The following NEDD4L variants were observed in gnomAD, a reference collection of about 807,000 sequenced individuals.
The protein encoded by NEDD4L is E3 ubiquitin-protein ligase NEDD4-like.
NEDD4L carries 54 observed loss-of-function variants against 148.9 expected under a neutral mutation model. The observed-to-expected ratio is 0.36, with a 90% CI of 0.29 to 0.45. The LOEUF (loss-of-function observed/expected upper bound fraction) is 0.45, where lower values mean the gene tolerates loss of function less well. Among genes scored for constraint, NEDD4L ranks in the 20% least tolerant of loss-of-function variants. The pLI, the probability that NEDD4L is intolerant of heterozygous loss-of-function variation, is 1.00. For synonymous variants in NEDD4L, 433 were observed against 440.7 expected, an observed-to-expected ratio of 0.98 and a Z score of 0.22; for missense variants, 856 against 1,233.8, an observed-to-expected ratio of 0.69 and a Z score of 4.59.
intron 11 of NEDD4L, among the ~76,000 whole-genome samples, chr18:58,333,295 A>G (rs1406179585): frequency 6.6e-6 from 1 of 151,240 alleles, no homozygotes; most frequent in East Asian, 1.9e-4. Context: ...AAAAAAAAAA[A>G]GCAGCTAAAA....
At chr18:58,044,851 G>C (rs2081500560) in intron 1 of NEDD4L, 143 bp downstream of exon 1, 3 of 1,007,454 alleles carry the variant, frequency 3.0e-6, no homozygotes, top group African/African-American at 3.4e-5. Flanking sequence ...CCCGGAGCGG[G>C]ATCCAGGGGA....
At chr18:58,093,659 T>C (rs1217567484) in intron 1 of NEDD4L, among the ~76,000 whole-genome samples, 1 of 152,228 alleles carries the variant, frequency 6.6e-6, no homozygotes, top group Non-Finnish European at 1.5e-5. Flanking sequence ...GGTAGTCTTA[T>C]ATTTGCTACG....
chr18:58,120,073 G>C (rs901508041), intron 1 of NEDD4L, among the ~76,000 whole-genome samples: 9 of 152,204 alleles, frequency 5.9e-5, no homozygotes, highest in Admixed American at 1.3e-4. Flanking sequence ...TCCTTGCCAG[G>C]ATCGGCCTCT....
At position 58,365,995 on chromosome 18, in the gene NEDD4L, G is replaced by A. The variant is rs1284212086; in HGVS notation, c.1834-4G>A. 13 of 1,591,524 alleles carry A rather than the reference G, an allele frequency of 8.2e-6. No homozygotes were observed. The highest frequency in any genetic ancestry group is 1.3e-5 in the African/African-American group (1 of 74,402). ...TTATGTGTTTTCTTTTGTCTTTTGT[G>A]TAGGCTGATATCCCCAATAGGTTTG... On this transcript the variant is annotated splice_region_variant and splice_polypyrimidine_tract_variant and intron_variant, in intron 20 of 30. Coordinates refer to ENST00000400345, the MANE Select transcript of NEDD4L (RefSeq NM_001144967.3).
In NEDD4L at chr18:58,385,525, G is replaced by A; in HGVS notation, c.2427-1G>A. The A allele has an allele frequency of 6.2e-7, 1 of 1,613,172 alleles. No homozygotes were observed. The highest frequency in any genetic ancestry group is 1.1e-5 in the South Asian group (1 of 91,068). On this transcript the variant is annotated splice_acceptor_variant, in intron 25 of 30. Coordinates refer to ENST00000400345, the MANE Select transcript of NEDD4L (RefSeq NM_001144967.3). LOFTEE classifies it high-confidence loss of function. ...CAATATTGTCCTCTTTTCTCCTGCA[G>A]CTTAGTCATCCAGTGGAGATTTGTG...
chr18:58,173,134 AT>A (rs978082192), intron 2 of NEDD4L, among the ~76,000 whole-genome samples: 2 of 152,226 alleles, frequency 1.3e-5, no homozygotes, highest in Non-Finnish European at 2.9e-5. Flanking sequence ...AGCTGGAGAC[AT>A]TTAACCTTTT....
intron 30 of NEDD4L, among the ~76,000 whole-genome samples, chr18:58,395,821 T>TA (rs1252401827): frequency 2.0e-5 from 3 of 152,174 alleles, no homozygotes; most frequent in Non-Finnish European, 4.4e-5. Flanking sequence ...GTATTAGAGA[T>TA]AGACACAGTC....
At chr18:58,145,655 A>G (rs1039680967) in intron 1 of NEDD4L, among the ~76,000 whole-genome samples, 2 of 151,968 alleles carry the variant, frequency 1.3e-5, no homozygotes, top group African/African-American at 2.4e-5. Flanking sequence ...CCTTTGATGA[A>G]TACTCCTGTA....
At chr18:58,134,132 C>G (rs2032523591) in intron 1 of NEDD4L, among the ~76,000 whole-genome samples, 2 of 152,146 alleles carry the variant, frequency 1.3e-5, no homozygotes, top group Non-Finnish European at 2.9e-5. Context: ...TCTTGAGTAG[C>G]TGGGACTACA....
intron 2 of NEDD4L, among the ~76,000 whole-genome samples, chr18:58,204,845 A>G (rs2041811257): frequency 6.6e-6 from 1 of 152,268 alleles, no homozygotes; most frequent in Non-Finnish European, 1.5e-5. Flanking sequence ...AAAAAGCACT[A>G]GAGGTCAAAT....
intron 1 of NEDD4L, among the ~76,000 whole-genome samples, chr18:58,097,088 C>T (rs1282197833): frequency 6.6e-6 from 1 of 152,026 alleles, no homozygotes; most frequent in Non-Finnish European, 1.5e-5. Context: ...ATTTGGAATT[C>T]TTCCTTAAAT....
In NEDD4L at chr18:58,368,629, C is replaced by T. The variant is rs141351083; in HGVS notation, c.2185+762C>T. On this transcript the variant is annotated intron_variant, in intron 22 of 30. Coordinates refer to ENST00000400345, the MANE Select transcript of NEDD4L (RefSeq NM_001144967.3). ...TATAAGAAAGATATTTCCAAGGGAACTGTGTTCATTGCATTTATAGAGCCT... is the reference window on the plus strand; with the variant it reads ...TATAAGAAAGATATTTCCAAGGGAATTGTGTTCATTGCATTTATAGAGCCT... 4.3e-3 allele frequency among the ~76,000 whole-genome samples: 659 copies of T among 152,328 alleles called. 7 individuals are homozygous for T. The highest frequency in any genetic ancestry group is 0.011 in the African/African-American group (473 of 41,576).
At chr18:58,085,883 G>A (rs2083734566) in intron 1 of NEDD4L, among the ~76,000 whole-genome samples, 1 of 152,192 alleles carries the variant, frequency 6.6e-6, no homozygotes, top group Admixed American at 6.5e-5. Flanking sequence ...GGAGACAAGT[G>A]TCTTTGTTAA....
At chr18:58,117,416 C>T (rs1050935259) in intron 1 of NEDD4L, among the ~76,000 whole-genome samples, 5 of 152,206 alleles carry the variant, frequency 3.3e-5, no homozygotes, top group South Asian at 4.1e-4. Flanking sequence ...TCTTTATTTA[C>T]GGGAATAAAT....
intron 2 of NEDD4L, among the ~76,000 whole-genome samples, chr18:58,225,773 G>T (rs1599900587): frequency 6.6e-6 from 1 of 152,272 alleles, no homozygotes; most frequent in East Asian, 1.9e-4. Flanking sequence ...CTGCTTGCAG[G>T]GAACTTCAGC....
intron 1 of NEDD4L, among the ~76,000 whole-genome samples, chr18:58,148,276 CTG>C (rs2034319906): frequency 6.6e-6 from 1 of 151,652 alleles, no homozygotes; most frequent in East Asian, 1.9e-4. Flanking sequence ...AGCAGTTCTC[CTG>C]CCTCAGCCTC....
rs375816898 is a variant in NEDD4L, at chr18:58,195,641, G to A, written c.122+29780G>A. 7.5e-4 allele frequency: 1,015 copies of A among 1,351,004 alleles called. 11 individuals carry two copies. Among genetic ancestry groups the A allele is most frequent in the South Asian group, 5.3e-3 (465 of 87,638 alleles). 83.7% of individuals were successfully genotyped at this position (1,351,004 alleles called of 1,614,324 possible). A position where few individuals can be genotyped will look rare whatever the true frequency, so the allele number is the denominator to read the frequency against. ...GAGACCAGGATTTCTCCTCGCCGCC[G>A]TTGCTGTTGTTAGGGGAAACAGACC... is the stretch of plus-strand genomic sequence containing the variant. On this transcript the variant is annotated intron_variant, in intron 2 of 30. Coordinates refer to ENST00000400345, the MANE Select transcript of NEDD4L (RefSeq NM_001144967.3).
intron 2 of NEDD4L, among the ~76,000 whole-genome samples, chr18:58,166,597 A>G (rs796312183): frequency 2.0e-5 from 3 of 152,332 alleles, no homozygotes; most frequent in African/African-American, 7.2e-5. Flanking sequence ...TTTCCATTTT[A>G]TGGTTGACAA....
intron 1 of NEDD4L, among the ~76,000 whole-genome samples, chr18:58,115,774 G>A (rs1484583994): frequency 2.0e-5 from 3 of 152,154 alleles, no homozygotes; most frequent in South Asian, 4.1e-4. Flanking sequence ...AGCACTTCCC[G>A]GAATATTATT....
Sources: gnomAD v4.1 joint callset for allele counts (sites outside exome capture counted in the v4.1 genomes callset) on GRCh38, gnomAD v4.1.1 for gene constraint, MANE v1.5 for transcripts, NCBI Gene and HGNC (gene_info 2026-07-23, HGNC 2026-07-21) for gene names.